CHCHD6: variants seen among roughly 807,000 people sequenced by gnomAD.
CHCHD6 encodes the protein MICOS complex subunit MIC25.
A neutral mutation model predicts 32.3 loss-of-function variants in CHCHD6; 28 were observed. The observed-to-expected ratio is 0.87, with a 90% CI of 0.64 to 1.19. The LOEUF is 1.19. Ranked by LOEUF, CHCHD6 falls within the 50% of genes most tolerant of loss-of-function variation. CHCHD6 has a pLI of 0.00. For missense variants in CHCHD6, 333 were observed against 307.0 expected (o/e 1.08, Z -0.63); for synonymous variants, 122 against 117.5 (o/e 1.04, Z -0.25).
intron 4 of CHCHD6, among the ~76,000 whole-genome samples, chr3:126,762,178 C>A (rs1937184714): frequency 6.6e-6 from 1 of 152,026 alleles, no homozygotes; most frequent in Admixed American, 6.6e-5. Context: ...TTATTTCCTT[C>A]CTTTTGCCAG....
intron 1 of CHCHD6, among the ~76,000 whole-genome samples, chr3:126,721,778 C>T (rs963798290): frequency 2.0e-5 from 3 of 148,670 alleles, no homozygotes; most frequent in African/African-American, 7.5e-5. Flanking sequence ...CTGCATTTCC[C>T]CAAGCCCAAG....
In CHCHD6 at chr3:126,805,516, G is replaced by C. The variant is rs973242452; in HGVS notation, c.412-47131G>C. Among the ~76,000 whole-genome samples the C allele has an allele frequency of 3.3e-5, 5 of 152,036 alleles. No individual in the cohort carries two copies. In the East Asian group the frequency reaches 9.6e-4, roughly 29 times the overall value. ...CAAGGGATGTGAAGGACCTCTTCAAGGAGAACTACAAACCACTGCTCAAGG... is the reference window on the plus strand; with the variant it reads ...CAAGGGATGTGAAGGACCTCTTCAACGAGAACTACAAACCACTGCTCAAGG... On this transcript the variant is annotated intron_variant, in intron 4 of 7. Transcript: ENST00000290913.
chr3:126,909,095 G>T (rs865960570), intron 5 of CHCHD6, among the ~76,000 whole-genome samples: 3 of 152,192 alleles, frequency 2.0e-5, no homozygotes, highest in Non-Finnish European at 4.4e-5. Flanking sequence ...CTTCTCTCCC[G>T]TGGCGCCCAG....
At chr3:126,773,769 C>A (rs1371705088) in intron 4 of CHCHD6, among the ~76,000 whole-genome samples, 1 of 152,080 alleles carries the variant, frequency 6.6e-6, no homozygotes, top group Non-Finnish European at 1.5e-5. Context: ...TCATGCCCAG[C>A]TAATTTTTTG....
At chr3:126,859,990 A>T (rs1484883584) in intron 5 of CHCHD6, among the ~76,000 whole-genome samples, 1 of 151,628 alleles carries the variant, frequency 6.6e-6, no homozygotes, top group Non-Finnish European at 1.5e-5. Flanking sequence ...CTGGAGAAGG[A>T]GGAGGTCTCC....
intron 4 of CHCHD6, among the ~76,000 whole-genome samples, chr3:126,786,909 T>C (rs1244103147): frequency 2.6e-5 from 4 of 152,242 alleles, no homozygotes; most frequent in Non-Finnish European, 5.9e-5. Flanking sequence ...CATGCCTATG[T>C]CCTGAATGGT....
At chr3:126,723,730 TC>T (rs2107655451) in intron 1 of CHCHD6, among the ~76,000 whole-genome samples, 1 of 152,298 alleles carries the variant, frequency 6.6e-6, no homozygotes, top group African/African-American at 2.4e-5. Context: ...TTTTCTTTTT[TC>T]CCTATTTCCT....
At chr3:126,814,213 C>G (rs997497868) in intron 4 of CHCHD6, among the ~76,000 whole-genome samples, 1 of 152,154 alleles carries the variant, frequency 6.6e-6, no homozygotes, top group African/African-American at 2.4e-5. Context: ...ATTTTAAAAG[C>G]GTTGGCGGTA....
At chr3:126,849,882 C>A (rs1941412240) in intron 4 of CHCHD6, among the ~76,000 whole-genome samples, 1 of 152,222 alleles carries the variant, frequency 6.6e-6, no homozygotes, top group African/African-American at 2.4e-5. Flanking sequence ...CGCACTCAGG[C>A]ACTGAAACCA....
chr3:126,916,304 G>A (rs983916362), intron 6 of CHCHD6, among the ~76,000 whole-genome samples: 1 of 151,824 alleles, frequency 6.6e-6, no homozygotes, highest in African/African-American at 2.4e-5. Flanking sequence ...AGGAGGCTGA[G>A]GTGGAAGAAT....
intron 5 of CHCHD6, among the ~76,000 whole-genome samples, chr3:126,901,313 G>A (rs1422965596): frequency 2.0e-5 from 3 of 152,228 alleles, no homozygotes; most frequent in Admixed American, 6.5e-5. Flanking sequence ...GGCGCTGTCT[G>A]TGTCTCAGAA....
At chr3:126,791,813 G>A (rs1227727610) in intron 4 of CHCHD6, among the ~76,000 whole-genome samples, 1 of 152,184 alleles carries the variant, frequency 6.6e-6, no homozygotes. Flanking sequence ...GTTTCACCAT[G>A]TTGGCCAGAC....
intron 1 of CHCHD6, among the ~76,000 whole-genome samples, chr3:126,709,150 C>A (rs1934638977): frequency 1.3e-5 from 2 of 152,006 alleles, no homozygotes; most frequent in African/African-American, 4.8e-5. Flanking sequence ...GGTATATTAT[C>A]TTTTATTGTT....
At chr3:126,898,499 G>A (rs958860715) in intron 5 of CHCHD6, among the ~76,000 whole-genome samples, 4 of 152,136 alleles carry the variant, frequency 2.6e-5, no homozygotes, top group African/African-American at 9.7e-5. Context: ...AGAAGCATTG[G>A]TGGTGAATTT....
rs182462058 is a variant in CHCHD6 at position 126,909,598 on chromosome 3, A to G, written c.496-5082A>G. Among the ~76,000 whole-genome samples, 28 of 152,292 alleles carry G rather than the reference A, an allele frequency of 1.8e-4. No homozygotes were observed. In the East Asian group the frequency reaches 4.8e-3, roughly 26 times the overall value. ...TTCTTACTCACGTTATTTAATTTTTAATGGCAGATTTAATTAATGGAGGTC... is the reference window on the plus strand; with the variant it reads ...TTCTTACTCACGTTATTTAATTTTTGATGGCAGATTTAATTAATGGAGGTC... On this transcript the variant is annotated intron_variant, in intron 5 of 7. Transcript: ENST00000290913.
intron 5 of CHCHD6, among the ~76,000 whole-genome samples, chr3:126,874,384 A>G (rs2077514426): frequency 6.6e-6 from 1 of 152,168 alleles, no homozygotes; most frequent in African/African-American, 2.4e-5. Context: ...CACAGGCCAG[A>G]TTAGATGGAG....
chr3:126,954,174 G>A (rs1176480144), intron 6 of CHCHD6, among the ~76,000 whole-genome samples: 1 of 152,178 alleles, frequency 6.6e-6, no homozygotes, highest in Non-Finnish European at 1.5e-5. Context: ...AGGAGAGAGA[G>A]GCTGTCATGG....
At chr3:126,725,274 A>G (rs76609486) in intron 1 of CHCHD6, among the ~76,000 whole-genome samples, 3,916 of 152,342 alleles carry the variant, frequency 0.026, 70 homozygotes, top group Non-Finnish European at 0.037. Context: ...GCATGAAAAT[A>G]ACATTCATCT....
intron 4 of CHCHD6, among the ~76,000 whole-genome samples, chr3:126,822,051 G>A (rs1940176755): frequency 6.6e-6 from 1 of 152,124 alleles, no homozygotes; most frequent in African/African-American, 2.4e-5. Context: ...AAGCACAAAG[G>A]TTTTTAATTT....
Sources: allele counts gnomAD v4.1 joint callset (sites outside exome capture counted in the v4.1 genomes callset), GRCh38; gene constraint gnomAD v4.1.1; transcripts MANE v1.5; gene names NCBI Gene and HGNC (gene_info 2026-07-23, HGNC 2026-07-21).